MXD1: variants seen among roughly 807,000 people sequenced by gnomAD.
MXD1 encodes the protein MAX dimerization protein 1.
In MXD1, 9 loss-of-function variants were observed where a neutral mutation model predicts 25.7. The ratio of observed to expected loss-of-function variants is 0.35; its 90% confidence interval spans 0.21 to 0.61. The LOEUF is 0.61. Ranked by LOEUF, MXD1 falls within the 20% of genes least tolerant of loss-of-function variation. MXD1 has a pLI of 0.75. For synonymous variants in MXD1, 99 were observed against 113.9 expected (o/e 0.87, Z 0.83); for missense variants, 227 against 292.4 (o/e 0.78, Z 1.63).
In MXD1 at chr2:69,935,465, G is replaced by A. The variant is rs755090076; in HGVS notation, c.318G>A (p.Lys106=). The change falls in exon 4 of 6, where the codon AAG becomes AAA. Residue 106 remains lysine (K), a splice_region_variant and synonymous_variant. Transcript: ENST00000264444. ...TAACAAAAGCCAAATTGCACATAAA[G>A]GTAAGTGTATTGTTGGGATGCTGCT... ...SLLTKAKLHI[K]KLEDCDRKAV... 1.2e-6 allele frequency: 2 copies of A among 1,602,412 alleles called. No individual in the cohort carries two copies. Among genetic ancestry groups the A allele is most frequent in the South Asian group, 2.2e-5 (2 of 90,822 alleles).
At chr2:69,933,808 T>G (rs566871080) in intron 3 of MXD1, among the ~76,000 whole-genome samples, 1 of 152,346 alleles carries the variant, frequency 6.6e-6, no homozygotes. Context: ...TTTCAACTTT[T>G]GCTATTACAG....
intron 3 of MXD1, among the ~76,000 whole-genome samples, chr2:69,930,041 T>C (rs543216667): frequency 3.3e-5 from 5 of 152,246 alleles, no homozygotes; most frequent in Non-Finnish European, 7.3e-5. Context: ...AAAAGAACAC[T>C]GTTGGGAGTT....
At chr2:69,924,849 G>T (rs370900727) in intron 3 of MXD1, among the ~76,000 whole-genome samples, 12 of 152,242 alleles carry the variant, frequency 7.9e-5, no homozygotes, top group African/African-American at 2.9e-4. Context: ...TTATACTTGG[G>T]TTAGTTTTCT....
intron 3 of MXD1, among the ~76,000 whole-genome samples, chr2:69,933,048 A>C (rs370839810): frequency 7.2e-5 from 11 of 152,036 alleles, no homozygotes; most frequent in African/African-American, 2.7e-4. Context: ...AAAATACAAA[A>C]ATTAGCCGGA....
At chr2:69,930,818 C>T (rs1677265180) in intron 3 of MXD1, among the ~76,000 whole-genome samples, 1 of 152,150 alleles carries the variant, frequency 6.6e-6, no homozygotes, top group African/African-American at 2.4e-5. Context: ...TAACTGCTAC[C>T]ATATACAGAG....
chr2:69,938,900 A>C lies in MXD1; in HGVS notation c.*616A>C, dbSNP rs973879403. The stretch of plus-strand genomic sequence containing the variant: ...CAGTATTTCTCACTTTAAAATGGAC[A>C]CCTTGATAGTGTGTCTCTGGGGTTG... On this transcript the variant is annotated 3_prime_UTR_variant, in exon 6 of 6. Coordinates refer to ENST00000264444, the MANE Select transcript of MXD1 (RefSeq NM_002357.4). The C allele has an allele frequency of 1.6e-4, 25 of 152,602 alleles. No homozygotes were observed. The highest frequency in any genetic ancestry group is 5.8e-4 in the African/African-American group (24 of 41,384). The allele number at this position is 152,602 out of a possible 1,614,324, so 9.5% of individuals were successfully genotyped here. A position where few individuals can be genotyped will look rare whatever the true frequency, so the allele number is the denominator to read the frequency against.
Position 69,921,381 on chromosome 2 carries a change from C to T in MXD1, c.174-355C>T, listed in dbSNP as rs2104166976. 2.0e-5 allele frequency among the ~76,000 whole-genome samples: 3 copies of T among 152,180 alleles called. No homozygotes were observed. The East Asian group carries it at 5.8e-4, about 29-fold the overall frequency. On this transcript the variant is annotated intron_variant, in intron 2 of 5. Coordinates refer to ENST00000264444, the MANE Select transcript of MXD1 (RefSeq NM_002357.4). ...TAGGGGTGCTACCTCCCCTGTTCTA[C>T]CCTTAGCCTACAGAAAGCTTTGTCG...
chr2:69,920,264 A>G (rs1252635222), intron 2 of MXD1, among the ~76,000 whole-genome samples: 1 of 152,186 alleles, frequency 6.6e-6, no homozygotes. Flanking sequence ...GGGCTTACAG[A>G]TGTGAACCAC....
Position 69,921,891 on chromosome 2 carries a change from C to A in MXD1, c.203+126C>A. The A allele has an allele frequency of 4.6e-6, 4 of 872,364 alleles. No homozygotes were observed. In the South Asian group the frequency reaches 5.2e-5, roughly 11 times the overall value. 54.0% of individuals were successfully genotyped at this position (872,364 alleles called of 1,614,324 possible). On this transcript the variant is annotated intron_variant, in intron 3 of 5. Coordinates refer to ENST00000264444, the MANE Select transcript of MXD1 (RefSeq NM_002357.4). ...GCACCTGATTTCAGAATTCACCCAG[C>A]GCCCTCTAAGCAGCATCGCTCATAA... is the stretch of plus-strand genomic sequence containing the variant.
intron 3 of MXD1, among the ~76,000 whole-genome samples, chr2:69,925,085 G>C (rs1677144941): frequency 6.6e-6 from 1 of 152,120 alleles, no homozygotes. Context: ...AGTAGGTGCT[G>C]GGACTACAGA....
chr2:69,934,829 C>G, intron 3 of MXD1, among the ~76,000 whole-genome samples: 1 of 152,154 alleles, frequency 6.6e-6, no homozygotes, highest in East Asian at 1.9e-4. Context: ...ATTTATTTAA[C>G]CAGTTCCCTC....
chr2:69,937,479 G>A, intron 5 of MXD1, 85 bp downstream of exon 5: 2 of 1,335,724 alleles, frequency 1.5e-6, no homozygotes, highest in Non-Finnish European at 2.0e-6. Context: ...AGGAGGCAGA[G>A]TGTAAGAAGA....
At chr2:69,925,158 TGTCA>T (rs1391300765) in intron 3 of MXD1, among the ~76,000 whole-genome samples, 3 of 152,122 alleles carry the variant, frequency 2.0e-5, no homozygotes, top group Non-Finnish European at 4.4e-5. Flanking sequence ...ACAGGGGGTT[TGTCA>T]GTCAGCACAT....
At chr2:69,935,873 G>A (rs1442576341) in intron 4 of MXD1, among the ~76,000 whole-genome samples, 5 of 152,098 alleles carry the variant, frequency 3.3e-5, no homozygotes, top group African/African-American at 7.2e-5. Context: ...TGCTTCCTGA[G>A]AACAGTCCTT....
rs925830239 is a variant in MXD1, at chr2:69,941,566, GTGTTT to G, written c.*3294_*3298del. 1 of 152,134 alleles carries G rather than the reference GTGTTT, an allele frequency of 6.6e-6. No homozygotes were observed. The highest frequency in any genetic ancestry group is 2.4e-5 in the African/African-American group (1 of 41,422). The allele number at this position is 152,134 out of a possible 1,614,324, so 9.4% of individuals were successfully genotyped here. Reference sequence around the variant, plus strand: ...CCTCGTCCTGCAGTTGGCCACTTGAGTGTTTTGTTTTGTTTTTATTTTTTAAGGTG... The same window carrying G: ...CCTCGTCCTGCAGTTGGCCACTTGAGTGTTTTGTTTTTATTTTTTAAGGTG... On this transcript the variant is annotated 3_prime_UTR_variant, in exon 6 of 6. Transcript: ENST00000264444.
rs558243991 is a variant in MXD1, at chr2:69,930,943, G to A, written c.204-4408G>A. Among the ~76,000 whole-genome samples, 8 of 152,352 alleles carry A rather than the reference G, an allele frequency of 5.3e-5. No individual in the cohort carries two copies. The East Asian group carries it at 1.5e-3, about 29-fold the overall frequency. On this transcript the variant is annotated intron_variant, in intron 3 of 5. Transcript: ENST00000264444. Reference sequence around the variant, plus strand: ...TCATTCTACTGATGAGGAAACTGAGGCTACACAGAGTTAAGTAATTTGCCC... The same window carrying A: ...TCATTCTACTGATGAGGAAACTGAGACTACACAGAGTTAAGTAATTTGCCC...
At chr2:69,923,946 T>G (rs750478739) in intron 3 of MXD1, among the ~76,000 whole-genome samples, 4 of 152,236 alleles carry the variant, frequency 2.6e-5, no homozygotes, top group Admixed American at 1.3e-4. Context: ...TTATTAAAAT[T>G]TGATCGCTTC....
chr2:69,926,338 C>CTT (rs982138907), intron 3 of MXD1, among the ~76,000 whole-genome samples: 3 of 146,448 alleles, frequency 2.0e-5, no homozygotes, highest in African/African-American at 7.5e-5. Context: ...TTTCATTCTC[C>CTT]TTTTTTTTTT....
intron 3 of MXD1, among the ~76,000 whole-genome samples, chr2:69,929,510 T>A (rs1446755680): frequency 6.6e-6 from 1 of 152,222 alleles, no homozygotes; most frequent in African/African-American, 2.4e-5. Context: ...ATTGTCTGAG[T>A]TAGCCCAGGT....
Sources: allele counts gnomAD v4.1 joint callset (sites outside exome capture counted in the v4.1 genomes callset), GRCh38; gene constraint gnomAD v4.1.1; transcripts MANE v1.5; gene names NCBI Gene and HGNC (gene_info 2026-07-23, HGNC 2026-07-21).